The following KCNH7 variants were observed in gnomAD, a reference collection of about 807,000 sequenced individuals.
The protein encoded by KCNH7 is voltage-gated inwardly rectifying potassium channel KCNH7.
In KCNH7, 49 loss-of-function variants were observed where a neutral mutation model predicts 120.8. The ratio of observed to expected loss-of-function variants is 0.41; its 90% CI spans 0.32 to 0.51. The LOEUF is 0.51. Among genes scored for constraint, KCNH7 ranks in the 20% least tolerant of loss-of-function variants. The pLI, the probability that KCNH7 is intolerant of heterozygous loss-of-function variation, is 0.38. For missense variants in KCNH7, 1,097 were observed against 1,446.6 expected (o/e 0.76, Z 3.92); for synonymous variants, 547 against 516.1 (o/e 1.06, Z -0.81).
chr2:162,704,428 G>A (rs1349803295), intron 2 of KCNH7, among the ~76,000 whole-genome samples: 6 of 152,246 alleles, frequency 3.9e-5, no homozygotes, highest in Non-Finnish European at 1.5e-5. Flanking sequence ...CTTCCCATGA[G>A]TTTAAACTGA....
chr2:162,654,478 T>C (rs1466955443), intron 2 of KCNH7, among the ~76,000 whole-genome samples: 1 of 151,850 alleles, frequency 6.6e-6, no homozygotes, highest in Non-Finnish European at 1.5e-5. Context: ...ATGGTTTTTA[T>C]AAAAAAGATG....
intron 6 of KCNH7, among the ~76,000 whole-genome samples, chr2:162,460,861 A>G (rs1689125317): frequency 6.6e-6 from 1 of 152,232 alleles, no homozygotes; most frequent in African/African-American, 2.4e-5. Context: ...GTTTGGTTCT[A>G]TAGGGCCTGT....
chr2:162,829,738 G>A (rs930035602), intron 2 of KCNH7, among the ~76,000 whole-genome samples: 1 of 150,002 alleles, frequency 6.7e-6, no homozygotes, highest in Non-Finnish European at 1.5e-5. Context: ...TAAAATTATG[G>A]TAAAAATTGT....
intron 2 of KCNH7, among the ~76,000 whole-genome samples, chr2:162,690,840 A>G (rs949504355): frequency 6.6e-6 from 1 of 152,186 alleles, no homozygotes; most frequent in African/African-American, 2.4e-5. Flanking sequence ...TTATTTCTAC[A>G]GGGGAAGTGT....
chr2:162,768,562 G>A (rs970433637), intron 2 of KCNH7, among the ~76,000 whole-genome samples: 12 of 152,120 alleles, frequency 7.9e-5, no homozygotes, highest in Admixed American at 3.3e-4. Context: ...ACAACGGAGA[G>A]GTAAAAGAGA....
intron 2 of KCNH7, among the ~76,000 whole-genome samples, chr2:162,822,537 A>T (rs965087755): frequency 6.6e-6 from 1 of 152,056 alleles, no homozygotes; most frequent in Non-Finnish European, 1.5e-5. Context: ...ACATTAGACT[A>T]TGCTCCCTCC....
chr2:162,727,449 T>C (rs1223723938), intron 2 of KCNH7, among the ~76,000 whole-genome samples: 2 of 152,182 alleles, frequency 1.3e-5, no homozygotes, highest in African/African-American at 2.4e-5. Context: ...ATCATCACCA[T>C]GCAATTTCCC....
intron 12 of KCNH7, among the ~76,000 whole-genome samples, chr2:162,391,936 T>C (rs1307878384): frequency 6.6e-6 from 1 of 151,932 alleles, no homozygotes; most frequent in Non-Finnish European, 1.5e-5. Flanking sequence ...AAGAAAATAA[T>C]TAAAGACATT....
intron 2 of KCNH7, among the ~76,000 whole-genome samples, chr2:162,570,744 T>C (rs901034910): frequency 2.6e-4 from 40 of 152,040 alleles, no homozygotes; most frequent in African/African-American, 7.9e-4. Context: ...GTTCAATATA[T>C]GCAAATCAAT....
intron 6 of KCNH7, among the ~76,000 whole-genome samples, chr2:162,494,368 A>G (rs1690424264): frequency 6.6e-6 from 1 of 152,074 alleles, no homozygotes; most frequent in African/African-American, 2.4e-5. Context: ...TTCAGTTTCA[A>G]TGTTGTCTTT....
intron 2 of KCNH7, among the ~76,000 whole-genome samples, chr2:162,747,360 C>T (rs1394439216): frequency 6.6e-6 from 1 of 152,090 alleles, no homozygotes; most frequent in African/African-American, 2.4e-5. Context: ...GATCTGTTAG[C>T]ACTGAAAAGG....
intron 2 of KCNH7, among the ~76,000 whole-genome samples, chr2:162,807,572 G>T (rs1684594290): frequency 6.6e-6 from 1 of 152,208 alleles, no homozygotes; most frequent in East Asian, 1.9e-4. Context: ...ACATCCCTCT[G>T]CACGCTGAAA....
At chr2:162,452,497 G>T (rs1558952725) in intron 6 of KCNH7, among the ~76,000 whole-genome samples, 2 of 151,918 alleles carry the variant, frequency 1.3e-5, no homozygotes, top group Non-Finnish European at 2.9e-5. Context: ...TCTGTGTTCA[G>T]CCATACAGAC....
rs1017141241 is a variant in KCNH7 at position 162,535,161 on chromosome 2, T to G, written c.463+1764A>C. On this transcript the variant is annotated intron_variant, in intron 3 of 15. Coordinates refer to ENST00000332142, the MANE Select transcript of KCNH7 (RefSeq NM_033272.4). ...TGGGGAATGTTTGAATTAAAGGCAC[T>G]CGCACAACAATCAGAGCCAGGGCGT... Among the ~76,000 whole-genome samples the G allele has an allele frequency of 4.0e-5, 6 of 151,842 alleles. No individual in the cohort carries two copies. In the South Asian group the frequency reaches 1.2e-3, roughly 31 times the overall value.
intron 9 of KCNH7, among the ~76,000 whole-genome samples, chr2:162,421,557 C>T (rs1687709840): frequency 6.6e-6 from 1 of 152,126 alleles, no homozygotes; most frequent in South Asian, 2.1e-4. Flanking sequence ...CTAAACCTGA[C>T]AGATAACAAG....
At chr2:162,717,836 A>G (rs1687181145) in intron 2 of KCNH7, among the ~76,000 whole-genome samples, 1 of 152,092 alleles carries the variant, frequency 6.6e-6, no homozygotes, top group South Asian at 2.1e-4. Context: ...TTACTTGAAA[A>G]GTACAATTAT....
intron 2 of KCNH7, among the ~76,000 whole-genome samples, chr2:162,574,318 T>C (rs1417419436): frequency 6.6e-6 from 1 of 152,042 alleles, no homozygotes; most frequent in African/African-American, 2.4e-5. Flanking sequence ...CAGACAAGCC[T>C]GTCTCAACTC....
At chr2:162,619,303 AT>A (rs1559047668) in intron 2 of KCNH7, among the ~76,000 whole-genome samples, 1 of 152,094 alleles carries the variant, frequency 6.6e-6, no homozygotes, top group Non-Finnish European at 1.5e-5. Flanking sequence ...ATCAGAAAAT[AT>A]CAAAATTTTA....
Position 162,446,305 on chromosome 2 carries a change from T to C in KCNH7, c.1267A>G (p.Ile423Val), listed in dbSNP as rs769783614. 70 of 1,613,936 alleles carry C rather than the reference T, an allele frequency of 4.3e-5. No homozygotes were observed. Among genetic ancestry groups the C allele is most frequent in the Non-Finnish European group, 5.4e-5 (64 of 1,179,876 alleles). Residue 423 changes from isoleucine (I) to valine (V), a missense_variant, in exon 7 of 16, where the codon ATA becomes GTA. Transcript: ENST00000332142. The part of the protein sequence containing the change: ...LILLLVIYTA[I>V]FTPYSAAFLL... Reference sequence around the variant, plus strand: ...AAGGCTGCAGAGTAGGGAGTAAATATAGCAGTGTATATGACCAACAGCAGG... The same window carrying C: ...AAGGCTGCAGAGTAGGGAGTAAATACAGCAGTGTATATGACCAACAGCAGG...
Sources: allele counts gnomAD v4.1 joint callset (sites outside exome capture counted in the v4.1 genomes callset), GRCh38; gene constraint gnomAD v4.1.1; transcripts MANE v1.5; gene names NCBI Gene and HGNC (gene_info 2026-07-23, HGNC 2026-07-21).